The following AGAP6 variants were observed in gnomAD, a reference collection of about 807,000 sequenced individuals.
The protein encoded by AGAP6 is arf-GAP with GTPase, ANK repeat and PH domain-containing protein 6.
AGAP6 carries 29 observed loss-of-function variants against 63.9 expected under a neutral mutation model. The ratio of observed to expected loss-of-function variants is 0.45; its 90% confidence interval spans 0.34 to 0.62. The LOEUF is 0.62. Among genes scored for constraint, AGAP6 ranks in the 20% least tolerant of loss-of-function variants. AGAP6 has a pLI of 0.01. For missense variants in AGAP6, 493 were observed against 884.9 expected (o/e 0.56, Z 5.62); for synonymous variants, 199 against 332.9 (o/e 0.60, Z 4.38).
chr10:49,995,890 AT>A (rs1242004025), intron 4 of AGAP6, among the ~76,000 whole-genome samples: 3 of 152,174 alleles, frequency 2.0e-5, no homozygotes, highest in Admixed American at 6.5e-5. Flanking sequence ...CCAGTGTGTG[AT>A]ACGTTATTTA....
At chr10:50,001,437 T>TTTA (rs1841695078) in intron 4 of AGAP6, among the ~76,000 whole-genome samples, 4 of 132,968 alleles carry the variant, frequency 3.0e-5, no homozygotes, top group African/African-American at 7.9e-5. Context: ...TTTTTTTTTT[T>TTTA]GAGACGGAGT....
chr10:50,008,886 T>A lies in AGAP6; in HGVS notation c.761T>A (p.Phe254Tyr). ...CKRSMRWSNL[F>Y]TSEKGSDPDK... The stretch of plus-strand genomic sequence containing the variant: ...CGGTCCATGCGCTGGTCCAACCTGT[T>A]TACATCTGAGAAAGGGAGTGACCCA... The change falls in exon 8 of 8, where the codon TTT becomes TAT. Residue 254 changes from phenylalanine to tyrosine, a missense_variant. Physicochemically the swap from Phe to Tyr is conservative, Grantham distance 22 (BLOSUM62 3). Transcript: ENST00000412531. 6.2e-7 allele frequency: 1 copy of A among 1,612,932 alleles called. No homozygotes were observed. Among genetic ancestry groups the A allele is most frequent in the Non-Finnish European group, 8.5e-7 (1 of 1,179,420 alleles).
rs1554864871 is a variant in AGAP6 at position 50,009,247 on chromosome 10, C to T, written c.1122C>T (p.Ser374=). Residue 374 remains serine, a synonymous_variant, in exon 8 of 8, where the codon TCC becomes TCT. Transcript: ENST00000412531. ...ACATGGACACCGGGCTGGGTGACTC[C>T]ATATGCTTCAGCCCCAGTATCTCCA... The part of the protein sequence containing the change: ...SKDMDTGLGD[S]ICFSPSISST... The T allele has an allele frequency of 2.2e-5, 35 of 1,614,108 alleles. No individual in the cohort carries two copies. Among genetic ancestry groups the T allele is most frequent in the African/African-American group, 4.0e-5 (3 of 74,940 alleles).
rs1842038577 is a variant in AGAP6, at chr10:50,009,681, T to C, written c.1556T>C (p.Leu519Pro). 6.2e-7 allele frequency: 1 copy of C among 1,613,946 alleles called. No homozygotes were observed. Among genetic ancestry groups the C allele is most frequent in the Non-Finnish European group, 8.5e-7 (1 of 1,179,934 alleles). The change falls in exon 8 of 8, where the codon CTG (leucine) becomes CCG (proline). Residue 519 changes from leucine (L) to proline (P), a missense_variant. Leu to Pro is a moderately conservative substitution (Grantham distance 98). This residue lies in a region of AGAP6 where 87 missense variants were observed against 92.9 expected (regional missense o/e 0.94). Transcript: ENST00000412531. ...CCCCACCTTTCCCGTGTGCGATCTCTGGAGCTGGATGACTGGCCAGTTGAG... is the reference window on the plus strand; with the variant it reads ...CCCCACCTTTCCCGTGTGCGATCTCCGGAGCTGGATGACTGGCCAGTTGAG... ...LGPHLSRVRS[L>P]ELDDWPVELR...
At position 49,992,601 on chromosome 10, in the gene AGAP6, TTAAC is replaced by T. The variant is rs540264271; in HGVS notation, c.361+859_361+862del. The stretch of plus-strand genomic sequence containing the variant: ...TGGGTAATTTATAACAAAAAGATGT[TTAAC>T]TGGCTCAAAGATTTTCAGGCTGTAC... On this transcript the variant is annotated intron_variant, in intron 3 of 7. Coordinates refer to ENST00000412531, the MANE Select transcript of AGAP6 (RefSeq NM_001077665.3). Among the ~76,000 whole-genome samples the T allele has an allele frequency of 2.0e-4, 30 of 152,300 alleles. No individual in the cohort carries two copies. In the East Asian group the frequency reaches 5.6e-3, roughly 28 times the overall value.
intron 4 of AGAP6, among the ~76,000 whole-genome samples, chr10:49,997,685 T>G (rs868912127): frequency 6.6e-6 from 1 of 152,022 alleles, no homozygotes; most frequent in African/African-American, 2.4e-5. Context: ...TTTGGTGACA[T>G]GCCTAAGTTC....
In AGAP6 at chr10:49,988,470, G is replaced by A; in HGVS notation, c.-246G>A. The stretch of plus-strand genomic sequence containing the variant: ...GTTGGTTTCACAACCTATTAAATAA[G>A]CCGGCTGGTCTTCACCCTCCCAGAC... On this transcript the variant is annotated 5_prime_UTR_variant, in exon 1 of 8. Transcript: ENST00000412531. 2 of 1,411,014 alleles carry A rather than the reference G, an allele frequency of 1.4e-6. No homozygotes were observed. The highest frequency in any genetic ancestry group is 1.8e-6 in the Non-Finnish European group (2 of 1,081,550). 87.4% of individuals were successfully genotyped at this position (1,411,014 alleles called of 1,614,324 possible). A position where few individuals can be genotyped will look rare whatever the true frequency, so the allele number is the denominator to read the frequency against.
chr10:50,010,413 T>A lies in AGAP6; in HGVS notation c.*227T>A. The A allele has an allele frequency of 1.2e-6, 1 of 853,752 alleles. No individual in the cohort carries two copies. The allele number at this position is 853,752 out of a possible 1,614,324, so 52.9% of individuals were successfully genotyped here. A position where few individuals can be genotyped will look rare whatever the true frequency, so the allele number is the denominator to read the frequency against. ...TAGTCTCAGGCCCTCCTGGCCACAT[T>A]GCCCAAGTCACACAGGCTTCTGTAT... On this transcript the variant is annotated 3_prime_UTR_variant, in exon 8 of 8. Coordinates refer to ENST00000412531, the MANE Select transcript of AGAP6 (RefSeq NM_001077665.3).
intron 7 of AGAP6, 45 bp downstream of exon 7, chr10:50,008,121 T>C: frequency 6.2e-7 from 1 of 1,611,868 alleles, no homozygotes; most frequent in Admixed American, 1.7e-5. Context: ...CATACACTTG[T>C]ATCTGTTTCA....
chr10:50,008,821 T>C lies in AGAP6; in HGVS notation c.696T>C (p.Ser232=). 6.2e-7 allele frequency: 1 copy of C among 1,614,068 alleles called. No individual in the cohort carries two copies. The highest frequency in any genetic ancestry group is 2.2e-5 in the East Asian group (1 of 44,868). Residue 232 remains serine (S), a synonymous_variant, in exon 8 of 8, where the codon AGT becomes AGC. Transcript: ENST00000412531. ...CCAGCCAGGAGGACCCTCAGTTCAGTGTTCCTCCCACTGCCAACACACCCA... is the reference window on the plus strand; with the variant it reads ...CCAGCCAGGAGGACCCTCAGTTCAGCGTTCCTCCCACTGCCAACACACCCA... The part of the protein sequence containing the change: ...PSTSQEDPQF[S]VPPTANTPTP...
At chr10:49,997,580 T>G (rs1478598067) in intron 4 of AGAP6, among the ~76,000 whole-genome samples, 4 of 152,104 alleles carry the variant, frequency 2.6e-5, no homozygotes, top group Admixed American at 6.5e-5. Context: ...AATATGAACT[T>G]TAGTCTTTGT....
At chr10:49,992,458 A>G (rs1165979309) in intron 3 of AGAP6, among the ~76,000 whole-genome samples, 1 of 152,192 alleles carries the variant, frequency 6.6e-6, no homozygotes, top group Non-Finnish European at 1.5e-5. Flanking sequence ...ACAGTAAAAC[A>G]CGGGAGTTTG....
intron 2 of AGAP6, among the ~76,000 whole-genome samples, 183 bp downstream of exon 2, chr10:49,989,559 T>G (rs1331283041): frequency 5.9e-5 from 9 of 152,254 alleles, no homozygotes; most frequent in Non-Finnish European, 1.3e-4. Flanking sequence ...AAGTGCCTAA[T>G]TGTTTCCTTT....
intron 2 of AGAP6, 56 bp downstream of exon 2, chr10:49,989,432 T>G: frequency 1.9e-6 from 3 of 1,595,848 alleles, no homozygotes; most frequent in Non-Finnish European, 2.5e-6. Flanking sequence ...TTGTTTAGGC[T>G]TCTTTGAGCT....
chr10:50,009,386 T>G lies in AGAP6; in HGVS notation c.1261T>G (p.Trp421Gly), dbSNP rs1385995414. 1 of 1,613,982 alleles carries G rather than the reference T, an allele frequency of 6.2e-7. No individual in the cohort carries two copies. The highest frequency in any genetic ancestry group is 8.5e-7 in the Non-Finnish European group (1 of 1,180,050). Residue 421 changes from tryptophan (W) to glycine (G), a missense_variant, in exon 8 of 8, where the codon TGG (tryptophan) becomes GGG (glycine). Physicochemically the swap from Trp to Gly is radical, Grantham distance 184 (BLOSUM62 -2). Transcript: ENST00000412531. The stretch of plus-strand genomic sequence containing the variant: ...GATTGTGTCTGCCACTGGCCAAACG[T>G]GGCACTTTGAAGCCACGACGTATGA... Reference protein sequence around the residue: ...FMIVSATGQTWHFEATTYEER... With the variant: ...FMIVSATGQTGHFEATTYEER...
intron 4 of AGAP6, among the ~76,000 whole-genome samples, chr10:49,999,006 G>A (rs1564710751): frequency 7.1e-6 from 1 of 141,000 alleles, no homozygotes; most frequent in African/African-American, 2.7e-5. Context: ...GAGGTCAGGA[G>A]CGGGAGACGG....
rs1554864932 is a variant in AGAP6 at position 50,009,340 on chromosome 10, G to A, written c.1215G>A (p.Lys405=). Residue 405 remains lysine, a synonymous_variant, in exon 8 of 8, where the codon AAG becomes AAA. Transcript: ENST00000412531. ...PHANKKKHLK[K]KSTNNFMIVS... ...CTAATAAAAAGAAACACCTAAAGAA[G>A]AAAAGCACCAACAACTTTATGATTG... 4 of 1,614,064 alleles carry A rather than the reference G, an allele frequency of 2.5e-6. No homozygotes were observed. In the African/African-American group the frequency reaches 5.3e-5, roughly 22 times the overall value.
rs534883918 is a variant in AGAP6, at chr10:49,999,094, C to T, written c.397-2902C>T. ...CTCTACTAAAAATACAAAAGTTAGC[C>T]GGGTGTGGTGGCGCTCACCTGTAAT... On this transcript the variant is annotated intron_variant, in intron 4 of 7. Coordinates refer to ENST00000412531, the MANE Select transcript of AGAP6 (RefSeq NM_001077665.3). 1.5e-3 allele frequency among the ~76,000 whole-genome samples: 208 copies of T among 136,404 alleles called. 35 individuals carry two copies. The highest frequency in any genetic ancestry group is 5.5e-3 in the African/African-American group (195 of 35,298). The allele number at this position is 136,404 out of a possible 152,430, so 89.5% of individuals were successfully genotyped here. A position where few individuals can be genotyped will look rare whatever the true frequency, so the allele number is the denominator to read the frequency against.
chr10:50,007,185 A>C (rs1388485461), intron 6 of AGAP6, among the ~76,000 whole-genome samples: 2 of 151,866 alleles, frequency 1.3e-5, no homozygotes, highest in Admixed American at 6.6e-5. Flanking sequence ...TGAGGTTAGG[A>C]GTTCAAGACC....
Sources: allele counts gnomAD v4.1 joint callset (sites outside exome capture counted in the v4.1 genomes callset), GRCh38; gene constraint gnomAD v4.1.1; regional missense constraint gnomAD v4.1.1; transcripts MANE v1.5; gene names NCBI Gene and HGNC (gene_info 2026-07-23, HGNC 2026-07-21).